RAB11FIP3: variants seen among roughly 807,000 people sequenced by gnomAD.
The protein encoded by RAB11FIP3 is rab11 family-interacting protein 3.
RAB11FIP3 carries 17 observed loss-of-function variants against 77.8 expected under a neutral mutation model. The observed-to-expected ratio is 0.22, with a 90% CI of 0.15 to 0.33. The LOEUF is 0.33. Among genes scored for constraint, RAB11FIP3 ranks in the 10% least tolerant of loss-of-function variants. The probability of loss-of-function intolerance (pLI) is 1.00; values close to 1 mark genes in which losing one functional copy is unlikely to be tolerated. For missense variants in RAB11FIP3, 1,005 were observed against 1,011.2 expected, an observed-to-expected ratio of 0.99 and a Z score of 0.08; for synonymous variants, 437 against 448.2, an observed-to-expected ratio of 0.98 and a Z score of 0.31.
At chr16:433,010 T>C (rs1017790484) in intron 1 of RAB11FIP3, among the ~76,000 whole-genome samples, 2 of 136,500 alleles carry the variant, frequency 1.5e-5, no homozygotes, top group African/African-American at 5.5e-5. Flanking sequence ...TTGGGGTGTC[T>C]GTCACCTCCA....
Position 448,083 on chromosome 16 carries a change from C to G in RAB11FIP3, c.715-13321C>G, listed in dbSNP as rs1448738276. Among the ~76,000 whole-genome samples the G allele has an allele frequency of 3.9e-5, 6 of 152,068 alleles. No homozygotes were observed. The East Asian group carries it at 1.2e-3, about 29-fold the overall frequency. Reference sequence around the variant, plus strand: ...CTGTAATCCTAGCATTTTGGGAGGCCGAGGTGGGCGGATCATGTGAGGTCA... The same window carrying G: ...CTGTAATCCTAGCATTTTGGGAGGCGGAGGTGGGCGGATCATGTGAGGTCA... On this transcript the variant is annotated intron_variant, in intron 1 of 13. Coordinates refer to ENST00000262305, the MANE Select transcript of RAB11FIP3 (RefSeq NM_014700.4).
At chr16:488,361 T>C (rs1365560480) in intron 4 of RAB11FIP3, among the ~76,000 whole-genome samples, 1 of 151,994 alleles carries the variant, frequency 6.6e-6, no homozygotes. Context: ...GCCTGGGCGA[T>C]AGAGCCAGAC....
At chr16:429,740 C>T (rs1284246671) in intron 1 of RAB11FIP3, among the ~76,000 whole-genome samples, 2 of 152,088 alleles carry the variant, frequency 1.3e-5, no homozygotes, top group Non-Finnish European at 2.9e-5. Context: ...TCAGGTGATC[C>T]ACCCGCCTCG....
At chr16:515,257 C>T (rs539069546) in intron 9 of RAB11FIP3, among the ~76,000 whole-genome samples, 74 of 152,298 alleles carry the variant, frequency 4.9e-4, no homozygotes, top group Non-Finnish European at 9.7e-4. Context: ...ATGAACAAAA[C>T]ATGCAAGTGT....
chr16:519,440 CT>C (rs1891900950), intron 10 of RAB11FIP3, among the ~76,000 whole-genome samples: 1 of 152,244 alleles, frequency 6.6e-6, no homozygotes, highest in South Asian at 2.1e-4. Flanking sequence ...TGGGCCCTGA[CT>C]CCCATGAACC....
chr16:495,209 A>T (rs182719032), intron 5 of RAB11FIP3, among the ~76,000 whole-genome samples: 210 of 152,342 alleles, frequency 1.4e-3, no homozygotes, highest in African/African-American at 4.4e-3. Context: ...ACTGGTTGGG[A>T]TGAGTAAAAA....
chr16:477,553 C>T (rs1171129516), intron 3 of RAB11FIP3: 8 of 905,646 alleles, frequency 8.8e-6, no homozygotes, highest in Middle Eastern at 5.6e-4. Flanking sequence ...TGGCCACTCC[C>T]GCCTTTTCCT....
intron 3 of RAB11FIP3, chr16:477,537 C>A: frequency 1.3e-6 from 1 of 771,844 alleles, no homozygotes. Flanking sequence ...GGCCTGCCTG[C>A]TTTCCTGGCC....
At chr16:463,726 C>T (rs1435340891) in intron 2 of RAB11FIP3, among the ~76,000 whole-genome samples, 2 of 152,186 alleles carry the variant, frequency 1.3e-5, no homozygotes, top group Non-Finnish European at 2.9e-5. Context: ...ACATGAGCCA[C>T]TGCGCCCGGC....
intron 8 of RAB11FIP3, among the ~76,000 whole-genome samples, chr16:510,166 G>A (rs1230456912): frequency 3.4e-5 from 5 of 149,182 alleles, no homozygotes; most frequent in Non-Finnish European, 5.9e-5. Flanking sequence ...GCACCTCCAC[G>A]CCCCGTCCCG....
rs374324599 is a variant in RAB11FIP3, at chr16:470,376, AC to A, written c.809-917del. On this transcript the variant is annotated intron_variant, in intron 2 of 13. Transcript: ENST00000262305. ...TCAATCACCTGGGCTGAAGCAATCCACCTGCCTCAGCCTCCCAAAGTGCTGG... is the reference window on the plus strand; with the variant it reads ...TCAATCACCTGGGCTGAAGCAATCCACTGCCTCAGCCTCCCAAAGTGCTGG... Among the ~76,000 whole-genome samples the A allele has an allele frequency of 6.1e-3, 923 of 151,148 alleles. 9 individuals carry two copies. The highest frequency in any genetic ancestry group is 0.021 in the African/African-American group (878 of 41,112).
chr16:484,624 A>T (rs1293923221), intron 4 of RAB11FIP3, among the ~76,000 whole-genome samples: 1 of 152,160 alleles, frequency 6.6e-6, no homozygotes, highest in Non-Finnish European at 1.5e-5. Flanking sequence ...AAGTGCTGGG[A>T]TGAGAGGTGT....
intron 2 of RAB11FIP3, among the ~76,000 whole-genome samples, chr16:463,234 C>T (rs903329547): frequency 2.0e-5 from 3 of 152,024 alleles, no homozygotes; most frequent in Non-Finnish European, 2.9e-5. Flanking sequence ...CCTTCATGCA[C>T]GTGCAGGATA....
Position 510,796 on chromosome 16 carries a change from A to T in RAB11FIP3, c.1636A>T (p.Thr546Ser). The change falls in exon 9 of 14, where the codon ACC becomes TCC. Residue 546 changes from threonine to serine, a missense_variant. Transcript: ENST00000262305. ...EKSIEIENLQ[T>S]RLQQLDEENS... ...GAGCATTGAGATCGAGAACCTGCAGACCAGGTAGGCGGTTCCCAACAGCCC... is the reference window on the plus strand; with the variant it reads ...GAGCATTGAGATCGAGAACCTGCAGTCCAGGTAGGCGGTTCCCAACAGCCC... 1 of 1,612,826 alleles carries T rather than the reference A, an allele frequency of 6.2e-7. No homozygotes were observed. The highest frequency in any genetic ancestry group is 8.5e-7 in the Non-Finnish European group (1 of 1,179,610).
chr16:469,032 G>C (rs140848511), intron 2 of RAB11FIP3, among the ~76,000 whole-genome samples: 3 of 152,126 alleles, frequency 2.0e-5, no homozygotes, highest in South Asian at 4.2e-4. Flanking sequence ...AAGACTGTTA[G>C]CATTTTAAAA....
Position 426,374 on chromosome 16 carries a change from T to G in RAB11FIP3, c.368T>G (p.Phe123Cys), listed in dbSNP as rs1555497436. ...CCGCTTCCAGAACTCGACCCGTTGT[T>G]CTCCTGGACTGAGGAGCCCGAGGAG... is the stretch of plus-strand genomic sequence containing the variant. ...EAPLPELDPL[F>C]SWTEEPEECG... is the part of the protein sequence containing the mutation. Residue 123 changes from phenylalanine (F) to cysteine (C), a missense_variant, in exon 1 of 14, where the codon TTC becomes TGC. Phe to Cys is a radical substitution (Grantham distance 205). Transcript: ENST00000262305. The surrounding 1 kb of genome is among the most constrained non-coding windows in gnomAD (Gnocchi z 5.0). The G allele has an allele frequency of 7.1e-6, 11 of 1,547,594 alleles. No individual in the cohort carries two copies. The highest frequency in any genetic ancestry group is 1.4e-5 in the African/African-American group (1 of 71,008).
chr16:470,227 A>G (rs1484097358), intron 2 of RAB11FIP3, among the ~76,000 whole-genome samples: 1 of 151,250 alleles, frequency 6.6e-6, no homozygotes, highest in Non-Finnish European at 1.5e-5. Flanking sequence ...TGAACTCCTG[A>G]CCTCAAATGA....
chr16:491,212 A>G (rs2030154039), intron 5 of RAB11FIP3: 1 of 1,304,726 alleles, frequency 7.7e-7, no homozygotes, highest in African/African-American at 1.5e-5. Context: ...AGTGCCACAA[A>G]CAAATCAACC....
At chr16:451,220 A>G (rs2055402516) in intron 1 of RAB11FIP3, among the ~76,000 whole-genome samples, 2 of 152,050 alleles carry the variant, frequency 1.3e-5, no homozygotes, top group Admixed American at 1.3e-4. Context: ...TGTTAACAGA[A>G]ATAGTACAGA....
Sources: gnomAD v4.1 joint callset for allele counts (sites outside exome capture counted in the v4.1 genomes callset) on GRCh38, gnomAD v4.1.1 for gene constraint, Gnocchi (gnomAD v3.1) non-coding constraint, MANE v1.5 for transcripts, NCBI Gene and HGNC (gene_info 2026-07-23, HGNC 2026-07-21) for gene names.